Variants in BUD23 observed in about 807,000 individuals in gnomAD.
The protein encoded by BUD23 is 18S rRNA (guanine-N(7))-methyltransferase.
Under a neutral mutation model 47.0 loss-of-function variants are expected in BUD23, and 34 were observed. The ratio of observed to expected loss-of-function variants is 0.72; its 90% CI spans 0.55 to 0.96. The LOEUF (loss-of-function observed/expected upper bound fraction) is 0.96, where lower values mean the gene tolerates loss of function less well. BUD23 is among the 40% of genes least tolerant of loss of function. BUD23 has a pLI of 0.00. For missense variants in BUD23, 343 were observed against 361.2 expected, an observed-to-expected ratio of 0.95 and a Z score of 0.41; for synonymous variants, 124 against 132.0, an observed-to-expected ratio of 0.94 and a Z score of 0.41.
At chr7:73,695,539 G>A (rs1164986520) in intron 10 of BUD23, 3 of 152,026 alleles carry the variant, frequency 2.0e-5, no homozygotes, top group Non-Finnish European at 2.9e-5. Context: ...GTGAGCCACT[G>A]CGCCTGGCCT....
At chr7:73,697,762 C>T in intron 11 of BUD23, 68 bp downstream of exon 11, 1 of 1,609,690 alleles carries the variant, frequency 6.2e-7, no homozygotes, top group Non-Finnish European at 8.5e-7. Context: ...AAGAGCTTCC[C>T]TTTATTTGAA....
chr7:73,696,568 T>C (rs1388011557), intron 10 of BUD23: 2 of 152,348 alleles, frequency 1.3e-5, no homozygotes, highest in East Asian at 3.9e-4. Flanking sequence ...TACCTTGCCA[T>C]CCCTCGTTCT....
chr7:73,697,688 AG>A lies in BUD23; in HGVS notation c.788del (p.Gly263AlafsTer42). The stretch of plus-strand genomic sequence containing the variant: ...GAGAAGAAGGAGCGGCACAGGCGCC[AG>A]GGCAGGTGAGTGCCAGCCTGGGAGC... The part of the protein sequence containing the change: ...VLEKKERHRR[Q>X]GREVRPDTQY... On this transcript the variant is annotated frameshift_variant, in exon 11 of 12. Transcript: ENST00000265758. LOFTEE classifies it high-confidence loss of function. 6.2e-7 allele frequency: 1 copy of A among 1,612,792 alleles called. No individual in the cohort carries two copies. Among genetic ancestry groups the A allele is most frequent in the East Asian group, 2.2e-5 (1 of 44,844 alleles).
chr7:73,696,055 A>G (rs1563560403), intron 10 of BUD23: 1 of 152,218 alleles, frequency 6.6e-6, no homozygotes, highest in African/African-American at 2.4e-5. Context: ...TGAATAATTG[A>G]TTATAAGGTA....
At chr7:73,694,089 G>T (rs374276477) in intron 10 of BUD23, 39 bp downstream of exon 10, 1 of 1,586,896 alleles carries the variant, frequency 6.3e-7, no homozygotes, top group South Asian at 1.1e-5. Context: ...CTGCAGCGGG[G>T]GCTGCCACAT....
At chr7:73,693,741 C>A in intron 9 of BUD23, 72 bp downstream of exon 9, 1 of 1,585,094 alleles carries the variant, frequency 6.3e-7, no homozygotes, top group Non-Finnish European at 8.7e-7. Flanking sequence ...GCCTGCAGAG[C>A]CTGCTGGGAG....
At position 73,690,941 on chromosome 7, in the gene BUD23, A is replaced by G. The variant is rs1318969437; in HGVS notation, c.388A>G (p.Asn130Asp). 1.4e-5 allele frequency: 22 copies of G among 1,614,016 alleles called. No individual in the cohort carries two copies. Among genetic ancestry groups the G allele is most frequent in the Non-Finnish European group, 1.7e-5 (20 of 1,180,028 alleles). ...CATTTCTGCTGTGCAGTGGCTCTGT[A>G]ATGCTAACAAGAAGTCTGAAAACCC... ...ISISAVQWLCNANKKSENPAK... is the reference protein window; with the variant it reads ...ISISAVQWLCDANKKSENPAK... Residue 130 changes from asparagine to aspartate, a missense_variant, in exon 6 of 12, where the codon AAT (asparagine) becomes GAT (aspartate). By Grantham distance (23) the Asn-to-Asp change is conservative (BLOSUM62 1). Transcript: ENST00000265758.
chr7:73,685,012 G>A (rs561192135), intron 2 of BUD23, among the ~76,000 whole-genome samples: 1 of 141,446 alleles, frequency 7.1e-6, no homozygotes, highest in African/African-American at 2.7e-5. Flanking sequence ...CCCTATTTCA[G>A]TAAATGGTTA....
chr7:73,683,630 C>T lies in BUD23; in HGVS notation c.5C>T (p.Ala2Val), dbSNP rs782291625. The T allele has an allele frequency of 1.8e-5, 29 of 1,609,588 alleles. No individual in the cohort carries two copies. In the East Asian group the frequency reaches 3.1e-4, roughly 17 times the overall value. M[A>V]SRGRRPEHGG... is the part of the protein sequence containing the mutation. ...GTGTGCTGCTGAGGCGTGAGAATGG[C>T]GTCCCGCGGCCGGCGTCCGGAGCAT... is the stretch of plus-strand genomic sequence containing the variant. The change falls in exon 1 of 12, where the codon GCG (alanine) becomes GTG (valine). Residue 2 changes from alanine (A) to valine (V), a missense_variant. Ala to Val is a moderately conservative substitution (Grantham distance 64, BLOSUM62 0). Coordinates refer to ENST00000265758, the MANE Select transcript of BUD23 (RefSeq NM_017528.5).
intron 5 of BUD23, 71 bp downstream of exon 5, chr7:73,687,166 C>A: frequency 1.3e-6 from 2 of 1,499,616 alleles, no homozygotes; most frequent in South Asian, 1.2e-5. Flanking sequence ...GGCTCTAGTG[C>A]AGTGTCTGTG....
chr7:73,686,932 T>G, intron 4 of BUD23, 32 bp downstream of exon 4: 1 of 1,612,960 alleles, frequency 6.2e-7, no homozygotes, highest in African/African-American at 1.3e-5. Flanking sequence ...CCAGGGTGGA[T>G]TACCCTGATG....
chr7:73,687,179 T>A, intron 5 of BUD23, 84 bp downstream of exon 5: 2 of 1,413,080 alleles, frequency 1.4e-6, no homozygotes, highest in Non-Finnish European at 2.0e-6. Context: ...TGTCTGTGAT[T>A]ATGGCTCACA....
At chr7:73,692,848 T>G in intron 7 of BUD23, 1 of 574,516 alleles carries the variant, frequency 1.7e-6, no homozygotes, top group South Asian at 2.3e-5. Context: ...TGCCTTCTCT[T>G]GGCAGATGAC....
At chr7:73,684,067 CAT>C (rs1721619727) in intron 2 of BUD23, 17 of 1,288,906 alleles carry the variant, frequency 1.3e-5, no homozygotes, top group East Asian at 2.6e-5. Flanking sequence ...TTGTCCTAAA[CAT>C]GTGGTAAAAG....
At chr7:73,696,025 G>A (rs1284565193) in intron 10 of BUD23, 1 of 152,170 alleles carries the variant, frequency 6.6e-6, no homozygotes, top group African/African-American at 2.4e-5. Flanking sequence ...TTAGTAAAAA[G>A]TGCTCAGTAT....
chr7:73,685,569 C>G (rs185396779), intron 2 of BUD23, among the ~76,000 whole-genome samples: 1 of 152,126 alleles, frequency 6.6e-6, no homozygotes, highest in Non-Finnish European at 1.5e-5. Flanking sequence ...TCGCGCCCGA[C>G]TAGTTTGTGT....
rs782303046 is a variant in BUD23, at chr7:73,686,632, C to T, written c.87-4C>T. 4 of 1,613,994 alleles carry T rather than the reference C, an allele frequency of 2.5e-6. No homozygotes were observed. Among genetic ancestry groups the T allele is most frequent in the Non-Finnish European group, 3.4e-6 (4 of 1,179,936 alleles). ...CATGTCCACTTGTGTTTCTGCCTTA[C>T]CAGCTCACGGATGATTGATATCCAG... On this transcript the variant is annotated splice_region_variant and splice_polypyrimidine_tract_variant and intron_variant, in intron 2 of 11. Transcript: ENST00000265758.
chr7:73,684,610 A>AG (rs1797869081), intron 2 of BUD23, among the ~76,000 whole-genome samples: 1 of 88,396 alleles, frequency 1.1e-5, no homozygotes, highest in East Asian at 3.2e-4. Flanking sequence ...CGTTAAAAAA[A>AG]AAAAAAAGGG....
chr7:73,695,262 CT>C (rs11439709), intron 10 of BUD23: 81 of 144,828 alleles, frequency 5.6e-4, no homozygotes, highest in Admixed American at 6.2e-4. Flanking sequence ...ATCCTCCATT[CT>C]TTTTTTTTTT....
Sources: allele counts gnomAD v4.1 joint callset (sites outside exome capture counted in the v4.1 genomes callset), GRCh38; gene constraint gnomAD v4.1.1; transcripts MANE v1.5; gene names NCBI Gene and HGNC (gene_info 2026-07-23, HGNC 2026-07-21).